IL26: variants seen among roughly 807,000 people sequenced by gnomAD.
IL26 encodes the protein interleukin 26.
IL26 carries 23 observed loss-of-function variants against 21.7 expected under a neutral mutation model. The ratio of observed to expected loss-of-function variants is 1.06; its 90% CI spans 0.76 to 1.50. The LOEUF (loss-of-function observed/expected upper bound fraction) is 1.50, where lower values mean the gene tolerates loss of function less well. Ranked by LOEUF, IL26 falls within the 40% of genes most tolerant of loss-of-function variation. IL26 has a pLI of 0.00. For missense variants in IL26, 204 were observed against 196.0 expected (o/e 1.04, Z -0.24); for synonymous variants, 63 against 67.8 (o/e 0.93, Z 0.34).
intron 3 of IL26, 88 bp downstream of exon 3, chr12:68,225,061 C>G (rs1438133143): frequency 1.5e-6 from 2 of 1,363,608 alleles, no homozygotes; most frequent in East Asian, 4.8e-5. Flanking sequence ...TCGTTTTACT[C>G]ACCCTTTGGT....
chr12:68,225,631 A>G lies in IL26; in HGVS notation c.126T>C (p.Val42=), dbSNP rs761162843. 3 of 1,614,024 alleles carry G rather than the reference A, an allele frequency of 1.9e-6. No individual in the cohort carries two copies. Among genetic ancestry groups the G allele is most frequent in the African/African-American group, 2.7e-5 (2 of 74,926 alleles). ...ATGCTGCTTTGATATAGAGAGCGTC[A>G]ACAGCTTGGGACAATGTTCCCCTTG... ...CYPRGTLSQA[V]DALYIKAAWL... Residue 42 remains valine (V), a synonymous_variant, in exon 1 of 5, where the codon GTT becomes GTC. Coordinates refer to ENST00000229134, the MANE Select transcript of IL26 (RefSeq NM_018402.2).
rs150945245 is a variant in IL26 at position 68,205,170 on chromosome 12, T to C, written c.364-3087A>G. Among the ~76,000 whole-genome samples, 740 of 152,292 alleles carry C rather than the reference T, an allele frequency of 4.9e-3. 8 individuals carry two copies. The highest frequency in any genetic ancestry group is 0.016 in the African/African-American group (669 of 41,558). On this transcript the variant is annotated intron_variant, in intron 3 of 4. Transcript: ENST00000229134. ...TTATTATTAAGTCAATATATATTTA[T>C]CACATACTTACTATATGCTAAGCAT...
chr12:68,208,056 C>T (rs1208025950), intron 3 of IL26, among the ~76,000 whole-genome samples: 3 of 152,144 alleles, frequency 2.0e-5, no homozygotes, highest in Non-Finnish European at 4.4e-5. Context: ...ATTTAATGCA[C>T]AAAAGTACCC....
At chr12:68,212,115 C>A (rs745965173) in intron 3 of IL26, among the ~76,000 whole-genome samples, 2 of 152,162 alleles carry the variant, frequency 1.3e-5, no homozygotes, top group African/African-American at 4.8e-5. Flanking sequence ...GTTTTCCCAG[C>A]ATCATTTATT....
intron 3 of IL26, among the ~76,000 whole-genome samples, chr12:68,220,123 T>C (rs1421651402): frequency 6.6e-6 from 1 of 152,140 alleles, no homozygotes; most frequent in Non-Finnish European, 1.5e-5. Context: ...GCTTCACTGG[T>C]AAATCTTGCC....
Position 68,225,649 on chromosome 12 carries a change from T to C in IL26, c.108A>G (p.Gly36=). ...SSFTKSCYPR[G]TLSQAVDALY... The stretch of plus-strand genomic sequence containing the variant: ...GAGCGTCAACAGCTTGGGACAATGT[T>C]CCCCTTGGGTAACAACTTTTGGTGA... Residue 36 remains glycine, a synonymous_variant, in exon 1 of 5, where the codon GGA becomes GGG. Coordinates refer to ENST00000229134, the MANE Select transcript of IL26 (RefSeq NM_018402.2). The C allele has an allele frequency of 6.2e-7, 1 of 1,614,114 alleles. No individual in the cohort carries two copies. The highest frequency in any genetic ancestry group is 8.5e-7 in the Non-Finnish European group (1 of 1,179,958).
intron 3 of IL26, among the ~76,000 whole-genome samples, chr12:68,215,231 A>G (rs1025547382): frequency 1.3e-5 from 2 of 152,188 alleles, no homozygotes; most frequent in Non-Finnish European, 2.9e-5. Flanking sequence ...GGAGCTCAAG[A>G]TGATGGGAAA....
chr12:68,225,385 G>C (rs764112567), intron 2 of IL26, 59 bp downstream of exon 2: 1 of 1,516,748 alleles, frequency 6.6e-7, no homozygotes, highest in South Asian at 1.2e-5. Flanking sequence ...TTTAAATGCA[G>C]GGGGAAATAA....
intron 3 of IL26, among the ~76,000 whole-genome samples, chr12:68,217,751 T>G (rs1868926018): frequency 6.6e-6 from 1 of 152,142 alleles, no homozygotes; most frequent in African/African-American, 2.4e-5. Flanking sequence ...AGCTAAAACA[T>G]CAAGCTAAAT....
intron 3 of IL26, among the ~76,000 whole-genome samples, chr12:68,207,144 G>T (rs889143438): frequency 2.6e-5 from 4 of 152,160 alleles, no homozygotes; most frequent in African/African-American, 9.7e-5. Context: ...ACACCTGCTG[G>T]TGTAGCTGTA....
chr12:68,224,027 T>C (rs543652522), intron 3 of IL26, among the ~76,000 whole-genome samples: 30 of 110,190 alleles, frequency 2.7e-4, no homozygotes, highest in African/African-American at 1.1e-3. Context: ...TCTTAACTCT[T>C]AAAAAATAAA....
intron 3 of IL26, among the ~76,000 whole-genome samples, chr12:68,213,247 A>G (rs1352791798): frequency 6.6e-6 from 1 of 152,058 alleles, no homozygotes; most frequent in Non-Finnish European, 1.5e-5. Context: ...CTGGTGAATG[A>G]TCTTTTCAAT....
At chr12:68,219,979 A>T (rs1034686460) in intron 3 of IL26, among the ~76,000 whole-genome samples, 1 of 152,080 alleles carries the variant, frequency 6.6e-6, no homozygotes, top group Non-Finnish European at 1.5e-5. Context: ...AGATGAATAA[A>T]ATCACTGAAA....
intron 3 of IL26, among the ~76,000 whole-genome samples, chr12:68,210,817 T>C (rs1395517144): frequency 6.6e-6 from 1 of 152,164 alleles, no homozygotes; most frequent in Non-Finnish European, 1.5e-5. Flanking sequence ...ATAGATACTA[T>C]AGTAGGATAA....
intron 4 of IL26, 26 bp from the exon 5 acceptor site, chr12:68,201,957 G>T: frequency 1.3e-6 from 2 of 1,564,754 alleles, no homozygotes; most frequent in South Asian, 1.2e-5. Flanking sequence ...AGATATAAGA[G>T]AATAAATTTT....
At chr12:68,202,122 G>C in intron 3 of IL26, 39 bp from the exon 4 acceptor site, 1 of 1,299,454 alleles carries the variant, frequency 7.7e-7, no homozygotes, top group Non-Finnish European at 1.1e-6. Flanking sequence ...TATTGTTGAA[G>C]AGGCATTAAT....
chr12:68,207,272 T>G (rs1051119777), intron 3 of IL26, among the ~76,000 whole-genome samples: 3 of 152,210 alleles, frequency 2.0e-5, no homozygotes, highest in Non-Finnish European at 4.4e-5. Context: ...CAACTTTTTC[T>G]TGTAATGTCA....
intron 1 of IL26, 31 bp downstream of exon 1, chr12:68,225,555 G>T (rs756441053): frequency 1.9e-6 from 3 of 1,611,630 alleles, no homozygotes; most frequent in Non-Finnish European, 2.5e-6. Context: ...TGTCCTTGAG[G>T]TCATGATTTT....
intron 3 of IL26, among the ~76,000 whole-genome samples, chr12:68,224,285 T>TTTTTGTTTTGTTTTGTTTTG (rs60633848): frequency 4.7e-5 from 7 of 148,010 alleles, no homozygotes; most frequent in Non-Finnish European, 8.9e-5. Flanking sequence ...TGGCTCAGTG[T>TTTTTGTTTTGTTTTGTTTTG]TTTTGTTTTG....
Sources: allele counts gnomAD v4.1 joint callset (sites outside exome capture counted in the v4.1 genomes callset), GRCh38; gene constraint gnomAD v4.1.1; transcripts MANE v1.5; gene names NCBI Gene and HGNC (gene_info 2026-07-23, HGNC 2026-07-21).